USP54: variants seen among roughly 807,000 people sequenced by gnomAD.
USP54 encodes ubiquitin carboxyl-terminal hydrolase 54.
USP54 carries 87 observed loss-of-function variants against 170.5 expected under a neutral mutation model. The observed-to-expected ratio is 0.51, with a 90% CI of 0.43 to 0.61. The LOEUF is 0.61. Ranked by LOEUF, USP54 falls within the 20% of genes least tolerant of loss-of-function variation. USP54 has a pLI of 0.00. For missense variants in USP54, 1,786 were observed against 2,047.8 expected (o/e 0.87, Z 2.47); for synonymous variants, 655 against 742.8 (o/e 0.88, Z 1.92).
chr10:73,550,832 C>A (rs1007431633), intron 4 of USP54, among the ~76,000 whole-genome samples: 1 of 152,138 alleles, frequency 6.6e-6, no homozygotes, highest in East Asian at 1.9e-4. Flanking sequence ...TCCGGCCAGG[C>A]GTGGTGGCTC....
At chr10:73,526,145 A>C (rs760468617) in intron 16 of USP54, among the ~76,000 whole-genome samples, 2 of 152,224 alleles carry the variant, frequency 1.3e-5, no homozygotes, top group Non-Finnish European at 2.9e-5. Flanking sequence ...GTAGAAAGAA[A>C]TATTCATGCA....
At chr10:73,624,708 C>T (rs1374397467) in intron 1 of USP54, among the ~76,000 whole-genome samples, 1 of 152,132 alleles carries the variant, frequency 6.6e-6, no homozygotes, top group South Asian at 2.1e-4. Context: ...TAACAGTTAA[C>T]CAGCAAAGTG....
At position 73,540,809 on chromosome 10, in the gene USP54, CT is replaced by C. The variant is rs2066464282; in HGVS notation, c.825+565del. 2.0e-5 allele frequency among the ~76,000 whole-genome samples: 3 copies of C among 152,068 alleles called. No individual in the cohort carries two copies. The South Asian group carries it at 6.2e-4, about 32-fold the overall frequency. ...AGGTAAGATTCCTTAGGAAGAAAAC[CT>C]AAAATAAGATCCCAGAAAGTTCATT... On this transcript the variant is annotated intron_variant, in intron 9 of 23. Transcript: ENST00000687698.
Position 73,499,190 on chromosome 10 carries a change from T to TG in USP54, c.4496-3dup. On this transcript the variant is annotated splice_polypyrimidine_tract_variant and splice_region_variant and intron_variant, in intron 23 of 23. Transcript: ENST00000687698. ...ACTGCTGGACACTCCTTGAAGTTCC[T>TG]GGGGAAAGAAAAGAAACCCAAAGAC... 1 of 1,585,762 alleles carries TG rather than the reference T, an allele frequency of 6.3e-7. No individual in the cohort carries two copies. The highest frequency in any genetic ancestry group is 8.6e-7 in the Non-Finnish European group (1 of 1,168,850).
intron 1 of USP54, among the ~76,000 whole-genome samples, chr10:73,588,866 A>G (rs983011399): frequency 6.6e-6 from 1 of 152,206 alleles, no homozygotes; most frequent in Non-Finnish European, 1.5e-5. Flanking sequence ...AATACTAGCA[A>G]TCTTTTCCAC....
intron 14 of USP54, 30 bp downstream of exon 14, chr10:73,530,113 A>G (rs767042081): frequency 3.2e-6 from 5 of 1,561,912 alleles, no homozygotes; most frequent in South Asian, 1.2e-5. Context: ...TTTATTCAAA[A>G]GCCCAATTCT....
chr10:73,560,663 CAAAA>C (rs751168962), intron 4 of USP54, among the ~76,000 whole-genome samples: 28 of 16,468 alleles, frequency 1.7e-3, no homozygotes, highest in African/African-American at 4.9e-3. Flanking sequence ...AACTCCGTCT[CAAAA>C]AAAAAAAAAA....
chr10:73,527,628 A>AC (rs1490099560), intron 15 of USP54, among the ~76,000 whole-genome samples: 1 of 151,966 alleles, frequency 6.6e-6, no homozygotes, highest in Non-Finnish European at 1.5e-5. Context: ...GTGCTAATAA[A>AC]CTGTCATCAT....
At chr10:73,550,211 AC>A (rs1242856570) in intron 4 of USP54, among the ~76,000 whole-genome samples, 4 of 152,166 alleles carry the variant, frequency 2.6e-5, no homozygotes, top group African/African-American at 9.6e-5. Flanking sequence ...GGCGTGGGCC[AC>A]CACGCCCAGC....
chr10:73,594,814 C>T (rs1348248585), upstream of USP54, among the ~76,000 whole-genome samples: 1 of 151,988 alleles, frequency 6.6e-6, no homozygotes, highest in East Asian at 1.9e-4. Context: ...AGAAAATATT[C>T]TAGCCTTTGA....
intron 5 of USP54, among the ~76,000 whole-genome samples, chr10:73,544,675 C>T (rs1172848181): frequency 6.6e-6 from 1 of 152,058 alleles, no homozygotes; most frequent in Non-Finnish European, 1.5e-5. Flanking sequence ...CACATTTTAC[C>T]CTGTGATGAG....
intron 16 of USP54, among the ~76,000 whole-genome samples, chr10:73,525,881 T>C (rs941977159): frequency 1.4e-4 from 22 of 152,352 alleles, no homozygotes; most frequent in African/African-American, 4.6e-4. Flanking sequence ...ATCAAGAGAA[T>C]TGGTAGTAAG....
At chr10:73,508,597 T>C (rs192020372) in intron 20 of USP54, among the ~76,000 whole-genome samples, 360 of 152,166 alleles carry the variant, frequency 2.4e-3, no homozygotes, top group African/African-American at 8.5e-3. Context: ...ATTTTTAAAA[T>C]TTGTATCTGA....
At chr10:73,557,877 T>TA (rs1349369345) in intron 4 of USP54, among the ~76,000 whole-genome samples, 1 of 147,556 alleles carries the variant, frequency 6.8e-6, no homozygotes, top group African/African-American at 2.5e-5. Flanking sequence ...GAGCTATTAT[T>TA]CTTTTTTTTT....
At chr10:73,546,834 T>C (rs566484298) in intron 4 of USP54, among the ~76,000 whole-genome samples, 183 of 152,326 alleles carry the variant, frequency 1.2e-3, no homozygotes, top group African/African-American at 4.3e-3. Context: ...ACATTTTGGC[T>C]GTCTCCAATT....
chr10:73,590,827 C>A (rs2078161399), intron 1 of USP54, among the ~76,000 whole-genome samples: 1 of 152,126 alleles, frequency 6.6e-6, no homozygotes, highest in African/African-American at 2.4e-5. Flanking sequence ...CAGCTACTTT[C>A]CAATTTAGCC....
intron 1 of USP54, among the ~76,000 whole-genome samples, chr10:73,579,083 C>T (rs1434739588): frequency 1.3e-5 from 2 of 151,460 alleles, no homozygotes; most frequent in Non-Finnish European, 2.9e-5. Context: ...ACCCCCACCC[C>T]CTTCCCCCAG....
In USP54 at chr10:73,618,810, G is replaced by A. The variant is rs548298245; in HGVS notation, c.-18+6757C>T. The stretch of plus-strand genomic sequence containing the variant: ...GCCTGTAATCTCAGCTACTCAGGAG[G>A]CTGAGGCAGGAGAATTGCTTGAACC... On this transcript the variant is annotated intron_variant, in intron 1 of 22. Transcript: ENST00000339859. 7.3e-5 allele frequency among the ~76,000 whole-genome samples: 11 copies of A among 149,812 alleles called. No individual in the cohort carries two copies. The South Asian group carries it at 2.1e-3, about 28-fold the overall frequency.
At chr10:73,608,789 C>G (rs2079891603) in intron 1 of USP54, among the ~76,000 whole-genome samples, 1 of 152,114 alleles carries the variant, frequency 6.6e-6, no homozygotes, top group Non-Finnish European at 1.5e-5. Context: ...CCCAGCTACA[C>G]AGGAGGCTGA....
Sources: gnomAD v4.1 joint callset for allele counts (sites outside exome capture counted in the v4.1 genomes callset) on GRCh38, gnomAD v4.1.1 for gene constraint, MANE v1.5 for transcripts, NCBI Gene and HGNC (gene_info 2026-07-23, HGNC 2026-07-21) for gene names.